The following FAM13A variants were observed in gnomAD, a reference collection of about 807,000 sequenced individuals.
The protein encoded by FAM13A is protein FAM13A.
FAM13A carries 76 observed loss-of-function variants against 129.6 expected under a neutral mutation model. That is an observed-to-expected ratio of 0.59 (90% CI 0.49 to 0.71). The LOEUF (loss-of-function observed/expected upper bound fraction) is 0.71, where lower values mean the gene tolerates loss of function less well. Among genes scored for constraint, FAM13A ranks in the 30% least tolerant of loss-of-function variants. The pLI is 0.00. For synonymous variants in FAM13A, 443 were observed against 449.9 expected, an observed-to-expected ratio of 0.98 and a Z score of 0.20; for missense variants, 1,108 against 1,249.3, an observed-to-expected ratio of 0.89 and a Z score of 1.70.
chr4:89,000,023 G>A (rs1471955778), intron 3 of FAM13A, among the ~76,000 whole-genome samples: 8 of 152,080 alleles, frequency 5.3e-5, no homozygotes, highest in African/African-American at 1.4e-4. Flanking sequence ...AACTTACTGA[G>A]GATTTCACCC....
At chr4:88,937,297 A>C (rs546411205) in intron 5 of FAM13A, 2 of 152,222 alleles carry the variant, frequency 1.3e-5, no homozygotes, top group Non-Finnish European at 2.9e-5. Flanking sequence ...TCATTGCTAT[A>C]TGAATCAGCA....
chr4:88,883,824 G>A (rs1021360517), intron 6 of FAM13A, among the ~76,000 whole-genome samples: 8 of 52,700 alleles, frequency 1.5e-4, no homozygotes, highest in Non-Finnish European at 3.2e-5. Flanking sequence ...TGAAACGAGA[G>A]GTATTACAAT....
chr4:88,998,915 GT>G (rs1312898879), intron 3 of FAM13A, among the ~76,000 whole-genome samples: 1 of 152,080 alleles, frequency 6.6e-6, no homozygotes, highest in Non-Finnish European at 1.5e-5. Flanking sequence ...CCATGATATG[GT>G]TCTCAGAGGC....
At chr4:88,902,815 A>C (rs1382300017) in intron 6 of FAM13A, among the ~76,000 whole-genome samples, 1 of 152,174 alleles carries the variant, frequency 6.6e-6, no homozygotes. Context: ...GAGAAAGTCA[A>C]ACTATCCCTG....
chr4:88,867,333 A>G (rs1412162239), intron 6 of FAM13A, among the ~76,000 whole-genome samples: 1 of 152,208 alleles, frequency 6.6e-6, no homozygotes, highest in Admixed American at 6.5e-5. Context: ...AACATTAGAC[A>G]GCCCTTCAGC....
chr4:88,797,136 A>G (rs1333596319), intron 8 of FAM13A, among the ~76,000 whole-genome samples: 1 of 151,860 alleles, frequency 6.6e-6, no homozygotes, highest in East Asian at 1.9e-4. Flanking sequence ...TTTTTTTTAA[A>G]TTTATCTCTC....
In FAM13A at chr4:89,019,305, C is replaced by A. The variant is rs373235720; in HGVS notation, c.427+1155G>T. The stretch of plus-strand genomic sequence containing the variant: ...TAAAGGAATGTGGCTTTAGGTAGCA[C>A]CCTTAATCTGGCAACGAATACTTTT... On this transcript the variant is annotated intron_variant, in intron 3 of 23. Transcript: ENST00000264344. 1.6e-4 allele frequency among the ~76,000 whole-genome samples: 24 copies of A among 152,272 alleles called. No homozygotes were observed. The East Asian group carries it at 3.5e-3, about 22-fold the overall frequency.
At chr4:88,757,365 C>T (rs532209481) in intron 14 of FAM13A, among the ~76,000 whole-genome samples, 2 of 152,082 alleles carry the variant, frequency 1.3e-5, no homozygotes, top group South Asian at 2.1e-4. Context: ...CACTAAGACA[C>T]AAATATAACA....
chr4:89,001,094 A>T (rs1408517944), intron 3 of FAM13A, among the ~76,000 whole-genome samples: 1 of 152,264 alleles, frequency 6.6e-6, no homozygotes, highest in Non-Finnish European at 1.5e-5. Context: ...TAAGGAAAAT[A>T]AAGATGCATA....
intron 3 of FAM13A, among the ~76,000 whole-genome samples, chr4:89,000,713 T>C (rs780178277): frequency 2.0e-5 from 3 of 152,166 alleles, no homozygotes; most frequent in Non-Finnish European, 4.4e-5. Flanking sequence ...TATAAAGAAA[T>C]TCTGTTGACT....
chr4:88,910,501 C>A (rs1330068644), intron 5 of FAM13A, among the ~76,000 whole-genome samples: 1 of 152,098 alleles, frequency 6.6e-6, no homozygotes, highest in Admixed American at 6.5e-5. Flanking sequence ...CTCAATTTCA[C>A]TGGAGCAGGT....
chr4:88,746,286 G>A (rs1032512445), intron 19 of FAM13A, among the ~76,000 whole-genome samples: 2 of 152,210 alleles, frequency 1.3e-5, no homozygotes, highest in Non-Finnish European at 2.9e-5. Context: ...GTTCTTCAGG[G>A]AAGAGAGCAG....
intron 4 of FAM13A, among the ~76,000 whole-genome samples, chr4:88,975,455 A>G (rs1317483769): frequency 6.6e-6 from 1 of 152,154 alleles, no homozygotes; most frequent in African/African-American, 2.4e-5. Flanking sequence ...ATATACCTAA[A>G]TTTTCTACTT....
chr4:89,031,592 T>G (rs1768690963), intron 1 of FAM13A, among the ~76,000 whole-genome samples: 1 of 152,210 alleles, frequency 6.6e-6, no homozygotes, highest in Non-Finnish European at 1.5e-5. Flanking sequence ...GAGTACTGAT[T>G]GTCATAATCC....
intron 7 of FAM13A, among the ~76,000 whole-genome samples, chr4:88,828,993 A>T (rs1431634076): frequency 2.0e-5 from 3 of 152,084 alleles, no homozygotes; most frequent in Non-Finnish European, 4.4e-5. Flanking sequence ...TTCTTACATA[A>T]CTTCTTCAGC....
intron 10 of FAM13A, 81 bp downstream of exon 10, chr4:88,787,672 A>G: frequency 7.3e-7 from 1 of 1,361,952 alleles, no homozygotes; most frequent in Non-Finnish European, 1.0e-6. Context: ...AGGTATGACT[A>G]TAACACAGCG....
chr4:88,898,172 C>T (rs1579178795), intron 6 of FAM13A, among the ~76,000 whole-genome samples: 1 of 152,096 alleles, frequency 6.6e-6, no homozygotes, highest in African/African-American at 2.4e-5. Context: ...GAGCATATTT[C>T]GTTTAGGAAA....
At position 88,838,888 on chromosome 4, in the gene FAM13A, A is replaced by C. The variant is rs1333344863; in HGVS notation, c.1007+12132T>G. On this transcript the variant is annotated intron_variant, in intron 7 of 23. Coordinates refer to ENST00000264344, the MANE Select transcript of FAM13A (RefSeq NM_014883.4). Reference sequence around the variant, plus strand: ...TGCAGCTCCTTATAGTTGCAGATTAAATTTCTCTGATTATTAGTGAGATTA... The same window carrying C: ...TGCAGCTCCTTATAGTTGCAGATTACATTTCTCTGATTATTAGTGAGATTA... 2.6e-5 allele frequency among the ~76,000 whole-genome samples: 4 copies of C among 152,162 alleles called. No homozygotes were observed. The South Asian group carries it at 6.2e-4, about 24-fold the overall frequency.
intron 4 of FAM13A, among the ~76,000 whole-genome samples, chr4:88,982,595 T>C (rs1163224605): frequency 6.6e-6 from 1 of 152,224 alleles, no homozygotes; most frequent in Non-Finnish European, 1.5e-5. Flanking sequence ...AACTTCCTTT[T>C]ATACGTCATG....
Sources: allele counts gnomAD v4.1 joint callset (sites outside exome capture counted in the v4.1 genomes callset), GRCh38; gene constraint gnomAD v4.1.1; transcripts MANE v1.5; gene names NCBI Gene and HGNC (gene_info 2026-07-23, HGNC 2026-07-21).